Variants in TRIM61 observed in about 807,000 individuals in gnomAD.
TRIM61 encodes the protein tripartite motif containing 61.
Under a neutral mutation model 14.2 loss-of-function variants are expected in TRIM61, and 1 was observed. The ratio of observed to expected loss-of-function variants is 0.07; its 90% confidence interval spans 0.03 to 0.33. The LOEUF is 0.33. Among genes scored for constraint, TRIM61 ranks in the 10% least tolerant of loss-of-function variants. The pLI is 0.99. For synonymous variants in TRIM61, 8 were observed against 71.6 expected (o/e 0.11, Z 4.49); for missense variants, 19 against 202.2 (o/e 0.09, Z 5.49).
Position 164,955,102 on chromosome 4 carries a change from A to G in TRIM61, c.526-6T>C, listed in dbSNP as rs1432511149. ...GTGACAGAAGGAGACTCCATCTCAA[A>G]AAAAAAAAAAAAAAAAATTATTATG... On this transcript the variant is annotated splice_polypyrimidine_tract_variant and splice_region_variant and intron_variant, in intron 3 of 4. Coordinates refer to ENST00000329314, the MANE Select transcript of TRIM61 (RefSeq NM_001012414.3). The G allele has an allele frequency of 5.5e-6, 1 of 180,956 alleles. No homozygotes were observed. The highest frequency in any genetic ancestry group is 1.2e-5 in the Non-Finnish European group (1 of 84,210). 11.2% of individuals were successfully genotyped at this position (180,956 alleles called of 1,614,324 possible). A position where few individuals can be genotyped will look rare whatever the true frequency, so the allele number is the denominator to read the frequency against.
chr4:164,961,233 G>A (rs1163935769), intron 3 of TRIM61, among the ~76,000 whole-genome samples: 1 of 127,400 alleles, frequency 7.8e-6, no homozygotes, highest in East Asian at 2.1e-4. Context: ...AAAGGCTTTG[G>A]CAGAAAATAA....
At chr4:164,955,925 G>C (rs1296537735) in intron 3 of TRIM61, among the ~76,000 whole-genome samples, 1 of 152,210 alleles carries the variant, frequency 6.6e-6, no homozygotes, top group Non-Finnish European at 1.5e-5. Context: ...TGAGGAGGAA[G>C]ACAAAGGAGA....
chr4:164,962,709 T>G (rs1042070634), intron 3 of TRIM61, among the ~76,000 whole-genome samples: 6 of 114,498 alleles, frequency 5.2e-5, no homozygotes, highest in African/African-American at 1.9e-4. Context: ...AAAAAAAAAG[T>G]ACTTTGGGCC....
At chr4:164,965,665 C>A (rs1395636420) in intron 3 of TRIM61, among the ~76,000 whole-genome samples, 1 of 151,908 alleles carries the variant, frequency 6.6e-6, no homozygotes, top group Admixed American at 6.6e-5. Flanking sequence ...AAACTCCTGG[C>A]CTCATGATCT....
At chr4:164,976,094 A>C (rs1732475741) in intron 2 of TRIM61, among the ~76,000 whole-genome samples, 1 of 152,148 alleles carries the variant, frequency 6.6e-6, no homozygotes, top group Non-Finnish European at 1.5e-5. Context: ...CCTTGAACTT[A>C]ATTATGACAT....
intron 3 of TRIM61, among the ~76,000 whole-genome samples, chr4:164,966,920 CTA>C (rs1732255166): frequency 2.0e-5 from 3 of 151,242 alleles, no homozygotes; most frequent in Admixed American, 1.3e-4. Flanking sequence ...GAGCGAGACT[CTA>C]TGTCAAAAAT....
chr4:164,964,817 TTC>T (rs1168350173), intron 3 of TRIM61, among the ~76,000 whole-genome samples: 2 of 152,320 alleles, frequency 1.3e-5, no homozygotes, highest in South Asian at 2.1e-4. Context: ...ACAGAAATGA[TTC>T]TGTCTTTAAA....
chr4:164,971,405 A>C (rs536639486), intron 2 of TRIM61, among the ~76,000 whole-genome samples: 1 of 152,106 alleles, frequency 6.6e-6, no homozygotes, highest in South Asian at 2.1e-4. Context: ...CAGCCTGAAT[A>C]ACATGGAGAA....
intron 3 of TRIM61, 193 bp downstream of exon 3, chr4:164,968,088 G>A (rs1732279484): frequency 3.6e-6 from 3 of 827,400 alleles, no homozygotes; most frequent in South Asian, 1.1e-4. Flanking sequence ...GGAGACGGAG[G>A]TTGCAGTGAG....
intron 1 of TRIM61, 139 bp downstream of exon 1, chr4:164,977,391 AC>A (rs1208871269): frequency 6.6e-6 from 1 of 152,238 alleles, no homozygotes; most frequent in Non-Finnish European, 1.5e-5. Flanking sequence ...CACAAGAGCT[AC>A]GCCAGACACT....
intron 3 of TRIM61, chr4:164,957,610 C>T: frequency 5.3e-6 from 6 of 1,138,576 alleles, no homozygotes; most frequent in Non-Finnish European, 7.4e-6. Context: ...ACTAAAAATA[C>T]ATGAATGCTA....
In TRIM61 at chr4:164,954,534, ATT is replaced by A. The variant is rs1294841347; in HGVS notation, c.*249_*250del. 135 of 152,372 alleles carry A rather than the reference ATT, an allele frequency of 8.9e-4. No homozygotes were observed. The highest frequency in any genetic ancestry group is 3.1e-3 in the African/African-American group (129 of 41,586). 9.4% of individuals were successfully genotyped at this position (152,372 alleles called of 1,614,324 possible). ...CCAATATACATCTAAAATTATATAT[ATT>A]GATTATAATTCAATATGTTCTTGTA... On this transcript the variant is annotated 3_prime_UTR_variant, in exon 5 of 5. Coordinates refer to ENST00000329314, the MANE Select transcript of TRIM61 (RefSeq NM_001012414.3).
In TRIM61 at chr4:164,954,641, T is replaced by A. The variant is rs1390574722; in HGVS notation, c.*144A>T. 1 of 152,188 alleles carries A rather than the reference T, an allele frequency of 6.6e-6. No individual in the cohort carries two copies. Among genetic ancestry groups the A allele is most frequent in the Non-Finnish European group, 1.5e-5 (1 of 68,036 alleles). The allele number at this position is 152,188 out of a possible 1,614,324, so 9.4% of individuals were successfully genotyped here. A position where few individuals can be genotyped will look rare whatever the true frequency, so the allele number is the denominator to read the frequency against. On this transcript the variant is annotated 3_prime_UTR_variant, in exon 5 of 5. Coordinates refer to ENST00000329314, the MANE Select transcript of TRIM61 (RefSeq NM_001012414.3). ...CTTACAAATGTAATTAAAATTTTAT[T>A]ATGGTATAGGAACATATACATACCC...
intron 3 of TRIM61, chr4:164,969,416 T>G (rs1235923026): frequency 2.5e-5 from 40 of 1,588,888 alleles, no homozygotes; most frequent in Non-Finnish European, 3.3e-5. Context: ...CTCTTGCTCA[T>G]TTTGGAGAAA....
intron 3 of TRIM61, among the ~76,000 whole-genome samples, chr4:164,964,747 G>GC (rs1257343523): frequency 2.0e-5 from 3 of 152,166 alleles, no homozygotes; most frequent in African/African-American, 7.2e-5. Context: ...GGGGAGTGCA[G>GC]AGTAGGGATG....
chr4:164,955,969 G>A (rs1731979300), intron 3 of TRIM61, among the ~76,000 whole-genome samples: 1 of 152,340 alleles, frequency 6.6e-6, no homozygotes. Flanking sequence ...GACTGAAAAC[G>A]GGGAGGCGGC....
At chr4:164,964,150 C>T (rs1282826899) in intron 3 of TRIM61, among the ~76,000 whole-genome samples, 1 of 151,562 alleles carries the variant, frequency 6.6e-6, no homozygotes, top group Non-Finnish European at 1.5e-5. Flanking sequence ...GAAATCGAGA[C>T]CATCCTGGCT....
At chr4:164,960,327 G>A (rs986876883) in intron 3 of TRIM61, among the ~76,000 whole-genome samples, 1 of 151,956 alleles carries the variant, frequency 6.6e-6, no homozygotes, top group African/African-American at 2.4e-5. Context: ...GGTGGATCAC[G>A]AGGTCAGGAG....
chr4:164,971,467 T>TA (rs1378764209), intron 2 of TRIM61, among the ~76,000 whole-genome samples: 2 of 151,952 alleles, frequency 1.3e-5, no homozygotes, highest in Non-Finnish European at 2.9e-5. Flanking sequence ...GGCACATGCC[T>TA]ATAATCCCAG....
Sources: gnomAD v4.1 joint callset for allele counts (sites outside exome capture counted in the v4.1 genomes callset) on GRCh38, gnomAD v4.1.1 for gene constraint, MANE v1.5 for transcripts, NCBI Gene and HGNC (gene_info 2026-07-23, HGNC 2026-07-21) for gene names.